The following RAB3C variants were observed in gnomAD, a reference collection of about 807,000 sequenced individuals.
RAB3C encodes the protein ras-related protein Rab-3C.
A neutral mutation model predicts 26.4 loss-of-function variants in RAB3C; 17 were observed. The observed-to-expected ratio is 0.64, with a 90% CI of 0.44 to 0.97. The LOEUF (loss-of-function observed/expected upper bound fraction) is 0.97. RAB3C is among the 50% of genes least tolerant of loss of function. RAB3C has a pLI of 0.00. For synonymous variants in RAB3C, 91 were observed against 95.9 expected (o/e 0.95, Z 0.30); for missense variants, 242 against 281.9 (o/e 0.86, Z 1.01).
rs1476016322 is a variant in RAB3C at position 58,854,407 on chromosome 5, G to A, written c.*3056G>A. On this transcript the variant is annotated 3_prime_UTR_variant, in exon 5 of 5. Transcript: ENST00000282878. ...CCTAATGCAACTGAAAAATTAGACTGAAAATTATTTGACTTAAATAGCCAT... is the reference window on the plus strand; with the variant it reads ...CCTAATGCAACTGAAAAATTAGACTAAAAATTATTTGACTTAAATAGCCAT... 2 of 152,172 alleles carry A rather than the reference G, an allele frequency of 1.3e-5. No homozygotes were observed. The highest frequency in any genetic ancestry group is 2.4e-5 in the African/African-American group (1 of 41,440). 9.4% of individuals were successfully genotyped at this position (152,172 alleles called of 1,614,324 possible). A position where few individuals can be genotyped will look rare whatever the true frequency, so the allele number is the denominator to read the frequency against.
intron 1 of RAB3C, among the ~76,000 whole-genome samples, chr5:58,596,668 T>G (rs1469032230): frequency 2.2e-5 from 2 of 92,148 alleles, no homozygotes; most frequent in African/African-American, 9.0e-5. Flanking sequence ...TAATATATTA[T>G]ATATAAATAT....
intron 3 of RAB3C, among the ~76,000 whole-genome samples, chr5:58,779,360 T>TTA (rs754010528): frequency 4.5e-4 from 67 of 147,978 alleles, no homozygotes; most frequent in Non-Finnish European, 6.9e-4. Context: ...AAAATATGAT[T>TTA]TATATATATA....
chr5:58,693,362 A>ATATATATATATATATATATATACATAT (rs1748620721), intron 2 of RAB3C, among the ~76,000 whole-genome samples: 1 of 143,732 alleles, frequency 7.0e-6, no homozygotes, highest in African/African-American at 2.6e-5. Flanking sequence ...ATATATATAT[A>ATATATATATATATATATATATACATAT]AAATTTCTTA....
intron 3 of RAB3C, among the ~76,000 whole-genome samples, chr5:58,756,347 T>TTATA (rs751608748): frequency 3.7e-5 from 5 of 136,266 alleles, no homozygotes; most frequent in Non-Finnish European, 7.6e-5. Context: ...CATATATATG[T>TTATA]TATATATATA....
intron 3 of RAB3C, among the ~76,000 whole-genome samples, chr5:58,803,132 C>T (rs536240289): frequency 3.9e-4 from 60 of 152,232 alleles, no homozygotes; most frequent in African/African-American, 1.3e-3. Flanking sequence ...GGTGACCATG[C>T]CCCTAAGAAG....
At chr5:58,628,902 T>C (rs1188020574) in intron 2 of RAB3C, among the ~76,000 whole-genome samples, 1 of 151,894 alleles carries the variant, frequency 6.6e-6, no homozygotes, top group Non-Finnish European at 1.5e-5. Flanking sequence ...CTGTTTTTTA[T>C]AAAGGGCTGG....
chr5:58,766,816 C>T (rs1286515997), intron 3 of RAB3C, among the ~76,000 whole-genome samples: 1 of 152,166 alleles, frequency 6.6e-6, no homozygotes, highest in African/African-American at 2.4e-5. Context: ...TAGAGAGTAA[C>T]ACAGGCTAGC....
chr5:58,846,841 T>G (rs1420322983), intron 4 of RAB3C: 1 of 152,032 alleles, frequency 6.6e-6, no homozygotes, highest in Non-Finnish European at 1.5e-5. Flanking sequence ...CTTTTGCTTC[T>G]GCTCCTCTTT....
intron 3 of RAB3C, among the ~76,000 whole-genome samples, chr5:58,780,894 T>C (rs779224296): frequency 6.6e-6 from 1 of 151,990 alleles, no homozygotes; most frequent in African/African-American, 2.4e-5. Flanking sequence ...TCTTTCTCCA[T>C]TGTAAAGAAC....
chr5:58,679,582 T>A (rs1435367130), intron 2 of RAB3C, among the ~76,000 whole-genome samples: 2 of 152,308 alleles, frequency 1.3e-5, no homozygotes, highest in South Asian at 2.1e-4. Flanking sequence ...TTCTTTATAG[T>A]CTCATAGCAT....
rs191276607 is a variant in RAB3C at position 58,641,406 on chromosome 5, C to T, written c.252+23536C>T. Among the ~76,000 whole-genome samples the T allele has an allele frequency of 1.1e-4, 16 of 152,290 alleles. No individual in the cohort carries two copies. In the East Asian group the frequency reaches 2.9e-3, roughly 28 times the overall value. ...AGTGTGCGTGGTAACAATTTATTTT[C>T]ATATTGGTCAAAATGTTCTAAATAA... On this transcript the variant is annotated intron_variant, in intron 2 of 4. Transcript: ENST00000282878.
intron 4 of RAB3C, among the ~76,000 whole-genome samples, chr5:58,850,759 G>A (rs370511337): frequency 3.9e-5 from 6 of 152,282 alleles, no homozygotes; most frequent in South Asian, 2.1e-4. Context: ...TACATGGTGC[G>A]CTAGGGGTTG....
chr5:58,814,895 A>G (rs1743183269), intron 3 of RAB3C: 1 of 152,300 alleles, frequency 6.6e-6, no homozygotes, highest in African/African-American at 2.4e-5. Flanking sequence ...CTAAGGGAGA[A>G]TTGGATGTGG....
At chr5:58,710,645 G>A (rs1433727135) in intron 2 of RAB3C, among the ~76,000 whole-genome samples, 4 of 130,058 alleles carry the variant, frequency 3.1e-5, no homozygotes, top group African/African-American at 8.7e-5. Flanking sequence ...TAAATAAATA[G>A]AAATTTTAAA....
chr5:58,657,565 A>C (rs1467186905), intron 2 of RAB3C, among the ~76,000 whole-genome samples: 1 of 152,168 alleles, frequency 6.6e-6, no homozygotes, highest in African/African-American at 2.4e-5. Flanking sequence ...ACAGATCCGC[A>C]GGAAGGTCAC....
At chr5:58,817,371 A>G (rs1415795010) in intron 3 of RAB3C, among the ~76,000 whole-genome samples, 3 of 152,152 alleles carry the variant, frequency 2.0e-5, no homozygotes, top group Non-Finnish European at 4.4e-5. Context: ...ATATCTTTTT[A>G]AATTTTTCCT....
chr5:58,617,891 A>C, intron 2 of RAB3C, 21 bp downstream of exon 2: 2 of 1,473,894 alleles, frequency 1.4e-6, no homozygotes, highest in Non-Finnish European at 1.9e-6. Flanking sequence ...TTGAACTGGC[A>C]GTGTTCTTCA....
intron 2 of RAB3C, among the ~76,000 whole-genome samples, chr5:58,683,231 G>T (rs1748382090): frequency 6.6e-6 from 1 of 152,114 alleles, no homozygotes. Flanking sequence ...ACAAATTTAT[G>T]CCCACTTTTA....
intron 2 of RAB3C, among the ~76,000 whole-genome samples, chr5:58,630,769 A>G (rs1029202385): frequency 9.2e-5 from 14 of 152,236 alleles, no homozygotes; most frequent in African/African-American, 2.2e-4. Context: ...CACATTTTCA[A>G]TACCACTGCT....
Sources: allele counts gnomAD v4.1 joint callset (sites outside exome capture counted in the v4.1 genomes callset), GRCh38; gene constraint gnomAD v4.1.1; transcripts MANE v1.5; gene names NCBI Gene and HGNC (gene_info 2026-07-23, HGNC 2026-07-21).